The following SLC17A8 variants were observed in gnomAD, a reference collection of about 807,000 sequenced individuals.
The protein encoded by SLC17A8 is vesicular glutamate transporter 3.
SLC17A8 carries 31 observed loss-of-function variants against 58.0 expected under a neutral mutation model. That is an observed-to-expected ratio of 0.53 (90% CI 0.40 to 0.72). The LOEUF is 0.72. Ranked by LOEUF, SLC17A8 falls within the 30% of genes least tolerant of loss-of-function variation. The probability of loss-of-function intolerance (pLI) is 0.00; values close to 1 mark genes in which losing one functional copy is unlikely to be tolerated. For synonymous variants in SLC17A8, 228 were observed against 249.0 expected (o/e 0.92, Z 0.79); for missense variants, 655 against 727.8 (o/e 0.90, Z 1.15).
intron 9 of SLC17A8, among the ~76,000 whole-genome samples, chr12:100,406,262 T>C (rs1438212731): frequency 1.3e-5 from 2 of 152,168 alleles, no homozygotes; most frequent in East Asian, 1.9e-4. Context: ...CATGGCTAGA[T>C]TGGCAACTCA....
rs1377420426 is a variant in SLC17A8, at chr12:100,391,062, G to T, written c.416G>T (p.Gly139Val). Reference sequence around the variant, plus strand: ...CTTATCCATGGATCTTTTTTCTGGGGCTATATTATGACACAAATTCCAGGT... The same window carrying T: ...CTTATCCATGGATCTTTTTTCTGGGTCTATATTATGACACAAATTCCAGGT... ...VGLIHGSFFWGYIMTQIPGGF... is the reference protein window; with the variant it reads ...VGLIHGSFFWVYIMTQIPGGF... The change falls in exon 3 of 12, where the codon GGC (glycine) becomes GTC (valine). Residue 139 changes from glycine (G) to valine (V), a missense_variant. Coordinates refer to ENST00000323346, the MANE Select transcript of SLC17A8 (RefSeq NM_139319.3). 6.2e-7 allele frequency: 1 copy of T among 1,613,858 alleles called. No individual in the cohort carries two copies. Among genetic ancestry groups the T allele is most frequent in the East Asian group, 2.2e-5 (1 of 44,862 alleles).
intron 10 of SLC17A8, among the ~76,000 whole-genome samples, chr12:100,415,433 CA>C (rs71303557): frequency 1.1e-3 from 146 of 130,628 alleles, no homozygotes; most frequent in Admixed American, 2.2e-3. Context: ...GATTCTGTCT[CA>C]AAAAAAAAAA....
chr12:100,411,593 G>A (rs1203141791), intron 9 of SLC17A8, among the ~76,000 whole-genome samples: 4 of 126,620 alleles, frequency 3.2e-5, no homozygotes. Flanking sequence ...GGAATCAGCA[G>A]ACAGTCTCCA....
Position 100,393,501 on chromosome 12 carries a change from T to TA in SLC17A8, c.588+19dup, listed in dbSNP as rs778969564. On this transcript the variant is annotated intron_variant, in intron 4 of 11. Transcript: ENST00000323346. ...TAGTGGAGGTAGGAGATACTTTCCT[T>TA]ACAGTTTTTGATATTGCTAGAGACA... 1 of 1,579,050 alleles carries TA rather than the reference T, an allele frequency of 6.3e-7. No individual in the cohort carries two copies. The highest frequency in any genetic ancestry group is 8.7e-7 in the Non-Finnish European group (1 of 1,148,726).
At position 100,393,501 on chromosome 12, in the gene SLC17A8, T is replaced by G. The variant is rs1952731550; in HGVS notation, c.588+18T>G. 1 of 1,578,932 alleles carries G rather than the reference T, an allele frequency of 6.3e-7. No individual in the cohort carries two copies. Among genetic ancestry groups the G allele is most frequent in the Non-Finnish European group, 8.7e-7 (1 of 1,148,734 alleles). On this transcript the variant is annotated intron_variant, in intron 4 of 11. Transcript: ENST00000323346. ...TAGTGGAGGTAGGAGATACTTTCCTTACAGTTTTTGATATTGCTAGAGACA... is the reference window on the plus strand; with the variant it reads ...TAGTGGAGGTAGGAGATACTTTCCTGACAGTTTTTGATATTGCTAGAGACA...
At chr12:100,381,084 A>G in intron 2 of SLC17A8, 131 bp downstream of exon 2, 2 of 970,770 alleles carry the variant, frequency 2.1e-6, no homozygotes, top group Non-Finnish European at 3.3e-6. Context: ...TTAACCTCCC[A>G]TCTCAGCATC....
At chr12:100,369,266 A>G (rs1005616198) in intron 1 of SLC17A8, among the ~76,000 whole-genome samples, 7 of 152,070 alleles carry the variant, frequency 4.6e-5, no homozygotes, top group African/African-American at 1.7e-4. Context: ...ACAGAGCAAG[A>G]CTCCATCTCA....
chr12:100,389,339 T>G (rs1342231902), intron 2 of SLC17A8, among the ~76,000 whole-genome samples: 1 of 152,184 alleles, frequency 6.6e-6, no homozygotes, highest in Non-Finnish European at 1.5e-5. Context: ...GAAATATTCA[T>G]GCCATTTATC....
chr12:100,363,131 T>G (rs1359223548), intron 1 of SLC17A8, among the ~76,000 whole-genome samples: 1 of 152,230 alleles, frequency 6.6e-6, no homozygotes, highest in Admixed American at 6.5e-5. Context: ...CCAAAGTGAC[T>G]GAGCAGCAGT....
At chr12:100,410,001 G>A (rs1408591644) in intron 9 of SLC17A8, among the ~76,000 whole-genome samples, 2 of 152,246 alleles carry the variant, frequency 1.3e-5, no homozygotes, top group African/African-American at 4.8e-5. Context: ...AATGAGGTGT[G>A]TGGCTTAGAA....
At chr12:100,419,704 G>A (rs1952933136) in intron 11 of SLC17A8, 111 bp from the exon 12 acceptor site, 1 of 1,039,688 alleles carries the variant, frequency 9.6e-7, no homozygotes, top group Non-Finnish European at 1.5e-6. Context: ...AGCCTCTAGA[G>A]CATCACCTTC....
chr12:100,399,484 G>T (rs957356193), intron 5 of SLC17A8, among the ~76,000 whole-genome samples: 2 of 152,142 alleles, frequency 1.3e-5, no homozygotes, highest in African/African-American at 4.8e-5. Flanking sequence ...AAAGAAAGAG[G>T]TTTAATCAAC....
intron 1 of SLC17A8, among the ~76,000 whole-genome samples, chr12:100,373,390 G>A (rs1412830794): frequency 1.3e-5 from 2 of 151,754 alleles, no homozygotes; most frequent in African/African-American, 4.8e-5. Context: ...AGGATGAATA[G>A]ATCCTTAACC....
At chr12:100,403,268 G>A (rs1371277208) in intron 8 of SLC17A8, among the ~76,000 whole-genome samples, 1 of 148,824 alleles carries the variant, frequency 6.7e-6, no homozygotes, top group African/African-American at 2.4e-5. Flanking sequence ...CCTGAGGTTA[G>A]GACCAGCCTG....
At chr12:100,394,467 T>C (rs1469654398) in intron 4 of SLC17A8, among the ~76,000 whole-genome samples, 1 of 148,778 alleles carries the variant, frequency 6.7e-6, no homozygotes, top group Non-Finnish European at 1.5e-5. Flanking sequence ...GGTGGCATGA[T>C]CTCGGCCCGT....
Position 100,357,176 on chromosome 12 carries a change from T to C in SLC17A8, c.-216T>C, listed in dbSNP as rs1952452049. 1.9e-6 allele frequency: 1 copy of C among 516,362 alleles called. No individual in the cohort carries two copies. Among genetic ancestry groups the C allele is most frequent in the Non-Finnish European group, 3.5e-6 (1 of 285,078 alleles). 32.0% of individuals were successfully genotyped at this position (516,362 alleles called of 1,614,324 possible). ...AGCCAGACACCCCTTGGACTCTTTT[T>C]TGGAGGGGTGGGGAGCAGAGAGAGG... On this transcript the variant is annotated 5_prime_UTR_variant, in exon 1 of 12. Transcript: ENST00000323346.
chr12:100,402,580 T>C lies in SLC17A8; in HGVS notation c.904-16T>C. The C allele has an allele frequency of 3.7e-6, 6 of 1,613,670 alleles. No individual in the cohort carries two copies. Among genetic ancestry groups the C allele is most frequent in the Non-Finnish European group, 5.1e-6 (6 of 1,179,752 alleles). On this transcript the variant is annotated splice_polypyrimidine_tract_variant and intron_variant, in intron 7 of 11. Coordinates refer to ENST00000323346, the MANE Select transcript of SLC17A8 (RefSeq NM_139319.3). ...AATATCTTTACTAAAAATATCATGG[T>C]ATTTTTACTCCCTAGAAATTTAGTA...
intron 10 of SLC17A8, among the ~76,000 whole-genome samples, chr12:100,413,084 T>C (rs934320871): frequency 1.1e-4 from 16 of 152,134 alleles, no homozygotes; most frequent in African/African-American, 3.6e-4. Flanking sequence ...TAAGGTGGAA[T>C]TTTTCCTACT....
rs1251129181 is a variant in SLC17A8 at position 100,380,754 on chromosome 12, G to A, written c.155G>A (p.Gly52Glu). ...GATAACATTGAGCTGAATGAAGAAG[G>A]AAGGCCGGTGCAGACGTCCAGGCCA... ...EEDNIELNEEGRPVQTSRPSP... is the reference protein window; with the variant it reads ...EEDNIELNEEERPVQTSRPSP... Residue 52 changes from glycine to glutamate, a missense_variant, in exon 2 of 12, where the codon GGA (glycine) becomes GAA (glutamate). Coordinates refer to ENST00000323346, the MANE Select transcript of SLC17A8 (RefSeq NM_139319.3). 6.2e-7 allele frequency: 1 copy of A among 1,613,980 alleles called. No individual in the cohort carries two copies. The highest frequency in any genetic ancestry group is 8.5e-7 in the Non-Finnish European group (1 of 1,180,030).
Sources: allele counts gnomAD v4.1 joint callset (sites outside exome capture counted in the v4.1 genomes callset), GRCh38; gene constraint gnomAD v4.1.1; transcripts MANE v1.5; gene names NCBI Gene and HGNC (gene_info 2026-07-23, HGNC 2026-07-21).